REM2: variants seen among roughly 807,000 people sequenced by gnomAD.
The protein encoded by REM2 is GTP-binding protein REM 2.
A neutral mutation model predicts 24.4 loss-of-function variants in REM2; 24 were observed. The ratio of observed to expected loss-of-function variants is 0.98; its 90% CI spans 0.71 to 1.38. The LOEUF is 1.38. Among genes scored for constraint, REM2 ranks in the 40% most tolerant of loss-of-function variants. The pLI, the probability that REM2 is intolerant of heterozygous loss-of-function variation, is 0.00. For synonymous variants in REM2, 187 were observed against 198.0 expected (o/e 0.94, Z 0.47); for missense variants, 429 against 467.8 (o/e 0.92, Z 0.77).
Position 22,886,823 on chromosome 14 carries a change from A to G in REM2, c.937A>G (p.Lys313Glu). 1.3e-6 allele frequency: 2 copies of G among 1,548,734 alleles called. No homozygotes were observed. Among genetic ancestry groups the G allele is most frequent in the South Asian group, 2.4e-5 (2 of 83,850 alleles). The change falls in exon 5 of 5, where the codon AAG (lysine) becomes GAG (glutamate). Residue 313 changes from lysine (K) to glutamate (E), a missense_variant. Physicochemically the swap from Lys to Glu is moderately conservative, Grantham distance 56. Coordinates refer to ENST00000267396, the MANE Select transcript of REM2 (RefSeq NM_173527.3). The surrounding 1 kb of genome is among the most constrained non-coding windows in gnomAD (Gnocchi z 5.9). ...CCGCGAGAGCCTCACCAAGAAAGCC[A>G]AGAGGTTCCTCGCCAACCTGGTGCC... is the stretch of plus-strand genomic sequence containing the variant. ...ARRESLTKKA[K>E]RFLANLVPRN...
rs772024367 is a variant in REM2, at chr14:22,885,327, C to G, written c.507C>G (p.Asp169Glu). 6.2e-7 allele frequency: 1 copy of G among 1,612,420 alleles called. No individual in the cohort carries two copies. The highest frequency in any genetic ancestry group is 8.5e-7 in the Non-Finnish European group (1 of 1,178,526). ...AGGAAGTGACTCTAGTCGTTTATGACATCTGGGAACAGGTGAGAACTAAGA... is the reference window on the plus strand; with the variant it reads ...AGGAAGTGACTCTAGTCGTTTATGAGATCTGGGAACAGGTGAGAACTAAGA... ...DKEEVTLVVYDIWEQGDAGGW... is the reference protein window; with the variant it reads ...DKEEVTLVVYEIWEQGDAGGW... Residue 169 changes from aspartate (D) to glutamate (E), a missense_variant, in exon 3 of 5, where the codon GAC becomes GAG. Asp to Glu is a conservative substitution (Grantham distance 45, BLOSUM62 2). Coordinates refer to ENST00000267396, the MANE Select transcript of REM2 (RefSeq NM_173527.3).
Position 22,886,575 on chromosome 14 carries a change from T to A in REM2, c.728-39T>A. 1 of 1,438,742 alleles carries A rather than the reference T, an allele frequency of 7.0e-7. No individual in the cohort carries two copies. The highest frequency in any genetic ancestry group is 9.1e-7 in the Non-Finnish European group (1 of 1,095,896). 89.1% of individuals were successfully genotyped at this position (1,438,742 alleles called of 1,614,324 possible). A position where few individuals can be genotyped will look rare whatever the true frequency, so the allele number is the denominator to read the frequency against. ...AGACCCACCCTCGCCCCGGGTCCCG[T>A]ACAGCCCAGCGGGCGCCTGAGCCGG... On this transcript the variant is annotated intron_variant, in intron 4 of 4. Transcript: ENST00000267396. The surrounding 1 kb of genome is among the most constrained non-coding windows in gnomAD (Gnocchi z 5.9).
In REM2 at chr14:22,886,779, G is replaced by T. The variant is rs1341503776; in HGVS notation, c.893G>T (p.Gly298Val). The change falls in exon 5 of 5, where the codon GGC becomes GTC. Residue 298 changes from glycine to valine, a missense_variant. Transcript: ENST00000267396. The surrounding 1 kb of genome is among the most constrained non-coding windows in gnomAD (Gnocchi z 5.9). ...AGGCCCGATCCGGGCAGCCCCGAGGGCCCTGCGCCACCTGCACGCCGCGAG... is the reference window on the plus strand; with the variant it reads ...AGGCCCGATCCGGGCAGCCCCGAGGTCCCTGCGCCACCTGCACGCCGCGAG... ...GQRPDPGSPEGPAPPARRESL... is the reference protein window; with the variant it reads ...GQRPDPGSPEVPAPPARRESL... The T allele has an allele frequency of 6.5e-7, 1 of 1,548,484 alleles. No individual in the cohort carries two copies. Among genetic ancestry groups the T allele is most frequent in the Non-Finnish European group, 8.7e-7 (1 of 1,146,298 alleles).
At chr14:22,884,050 G>A (rs991761077) in intron 1 of REM2, 122 of 984,854 alleles carry the variant, frequency 1.2e-4, no homozygotes, top group Non-Finnish European at 1.4e-4. Context: ...ACAGGGCCAC[G>A]GGAAGCAGCA....
chr14:22,887,156 G>A lies in REM2; in HGVS notation c.*247G>A. 1 of 396,090 alleles carries A rather than the reference G, an allele frequency of 2.5e-6. No individual in the cohort carries two copies. 24.5% of individuals were successfully genotyped at this position (396,090 alleles called of 1,614,324 possible). A position where few individuals can be genotyped will look rare whatever the true frequency, so the allele number is the denominator to read the frequency against. On this transcript the variant is annotated 3_prime_UTR_variant, in exon 5 of 5. Transcript: ENST00000267396. ...GCCTAGAAGGCGAGGACGCAGACCTGAAGGCGGCCGGTGAGCGGGGCGGGT... is the reference window on the plus strand; with the variant it reads ...GCCTAGAAGGCGAGGACGCAGACCTAAAGGCGGCCGGTGAGCGGGGCGGGT...
chr14:22,883,811 A>ATT (rs2040092313), intron 1 of REM2, among the ~76,000 whole-genome samples: 1 of 151,744 alleles, frequency 6.6e-6, no homozygotes, highest in Non-Finnish European at 1.5e-5. Context: ...ATCCTGGGCT[A>ATT]TTTCCAGCCT....
At chr14:22,884,041 C>T (rs981840730) in intron 1 of REM2, 10 of 985,298 alleles carry the variant, frequency 1.0e-5, no homozygotes, top group Non-Finnish European at 1.2e-5. Flanking sequence ...TGCTCACCTA[C>T]AGGGCCACGG....
chr14:22,887,589 T>G lies in REM2; in HGVS notation c.*680T>G, dbSNP rs1031369182. 2.6e-5 allele frequency: 4 copies of G among 152,222 alleles called. No homozygotes were observed. Among genetic ancestry groups the G allele is most frequent in the Non-Finnish European group, 5.9e-5 (4 of 68,030 alleles). The allele number at this position is 152,222 out of a possible 1,614,324, so 9.4% of individuals were successfully genotyped here. ...GGACAGACTTTCTGCATTCAGATAATGAGCAGTGGCAACCCCTTTTGGCCA... is the reference window on the plus strand; with the variant it reads ...GGACAGACTTTCTGCATTCAGATAAGGAGCAGTGGCAACCCCTTTTGGCCA... On this transcript the variant is annotated 3_prime_UTR_variant, in exon 5 of 5. Transcript: ENST00000267396.
rs1359444618 is a variant in REM2 at position 22,885,278 on chromosome 14, A to G, written c.458A>G (p.Glu153Gly). The G allele has an allele frequency of 6.2e-7, 1 of 1,613,532 alleles. No homozygotes were observed. The highest frequency in any genetic ancestry group is 8.5e-7 in the Non-Finnish European group (1 of 1,179,484). Residue 153 changes from glutamate (E) to glycine (G), a missense_variant, in exon 3 of 5, where the codon GAG becomes GGG. Physicochemically the swap from Glu to Gly is moderately conservative, Grantham distance 98. Transcript: ENST00000267396. The part of the protein sequence containing the change: ...HEPENPEDTY[E>G]RRIMVDKEEV... ...TATTTCCCAGCAGAGGATACCTATG[A>G]GAGACGCATCATGGTGGATAAGGAG...
In REM2 at chr14:22,887,067, G is replaced by C. The variant is rs1238386688; in HGVS notation, c.*158G>C. 1.7e-6 allele frequency: 1 copy of C among 580,830 alleles called. No homozygotes were observed. The highest frequency in any genetic ancestry group is 3.4e-5 in the East Asian group (1 of 29,040). 36.0% of individuals were successfully genotyped at this position (580,830 alleles called of 1,614,324 possible). On this transcript the variant is annotated 3_prime_UTR_variant, in exon 5 of 5. Transcript: ENST00000267396. The stretch of plus-strand genomic sequence containing the variant: ...CGGTGTGACCGCCGGGGGCGGCCCG[G>C]GGCCGCTCGGCGGCACCTCCACACC...
chr14:22,885,811 T>G (rs1392392027), intron 3 of REM2, among the ~76,000 whole-genome samples: 1 of 152,214 alleles, frequency 6.6e-6, no homozygotes, highest in Non-Finnish European at 1.5e-5. Flanking sequence ...CTTAAGAAAT[T>G]AGGATGGCTA....
chr14:22,883,896 C>T (rs1433013511), intron 1 of REM2, among the ~76,000 whole-genome samples: 2 of 124,284 alleles, frequency 1.6e-5, no homozygotes, highest in Non-Finnish European at 3.4e-5. Context: ...CTCTCCCTTT[C>T]GCTCACACAC....
intron 1 of REM2, among the ~76,000 whole-genome samples, chr14:22,883,819 C>G (rs1240264642): frequency 4.6e-5 from 7 of 152,072 alleles, no homozygotes; most frequent in Admixed American, 4.6e-4. Context: ...CTATTTCCAG[C>G]CTCCCTCTAG....
At position 22,886,334 on chromosome 14, in the gene REM2, C is replaced by A; in HGVS notation, c.727+103C>A. 2 of 1,070,436 alleles carry A rather than the reference C, an allele frequency of 1.9e-6. No individual in the cohort carries two copies. The highest frequency in any genetic ancestry group is 2.8e-6 in the Non-Finnish European group (2 of 717,856). The allele number at this position is 1,070,436 out of a possible 1,614,324, so 66.3% of individuals were successfully genotyped here. A position where few individuals can be genotyped will look rare whatever the true frequency, so the allele number is the denominator to read the frequency against. On this transcript the variant is annotated intron_variant, in intron 4 of 4. Coordinates refer to ENST00000267396, the MANE Select transcript of REM2 (RefSeq NM_173527.3). The surrounding 1 kb of genome is among the most constrained non-coding windows in gnomAD (Gnocchi z 5.9). ...GCCTTTTTACCATCGCGGACGCACT[C>A]ACTTGCAATCAGACCCAGGCTAGGG... is the stretch of plus-strand genomic sequence containing the variant.
chr14:22,883,943 TCTA>T, intron 1 of REM2: 1 of 834,178 alleles, frequency 1.2e-6, no homozygotes, highest in Non-Finnish European at 1.4e-6. Context: ...TCTCTCTACT[TCTA>T]CTGCTCTATG....
chr14:22,884,131 G>A, intron 1 of REM2: 1 of 985,136 alleles, frequency 1.0e-6, no homozygotes, highest in Non-Finnish European at 1.2e-6. Flanking sequence ...ATCTCAAAAA[G>A]CAAAGGCCCT....
intron 1 of REM2, chr14:22,884,043 G>A: frequency 1.0e-6 from 1 of 985,094 alleles, no homozygotes; most frequent in Non-Finnish European, 1.2e-6. Context: ...CTCACCTACA[G>A]GGCCACGGGA....
Position 22,884,746 on chromosome 14 carries a change from C to T in REM2, c.176C>T (p.Ala59Val), listed in dbSNP as rs1265933500. ...AELDRSGLPS[A>V]PGAPRRRGSM... ...TTGGACCGGAGCGGGTTACCCTCTG[C>T]CCCTGGGGCCCCCAGACGAAGAGGC... Residue 59 changes from alanine (A) to valine (V), a missense_variant, in exon 2 of 5, where the codon GCC (alanine) becomes GTC (valine). Transcript: ENST00000267396. 2.5e-6 allele frequency: 4 copies of T among 1,613,900 alleles called. No homozygotes were observed. The Admixed American group carries it at 5.0e-5, about 20-fold the overall frequency.
At position 22,885,081 on chromosome 14, in the gene REM2, G is replaced by A. The variant is rs374151080; in HGVS notation, c.445+66G>A. The A allele has an allele frequency of 5.5e-5, 81 of 1,462,856 alleles. No individual in the cohort carries two copies. In the African/African-American group the frequency reaches 6.5e-4, roughly 12 times the overall value. 90.6% of individuals were successfully genotyped at this position (1,462,856 alleles called of 1,614,324 possible). A position where few individuals can be genotyped will look rare whatever the true frequency, so the allele number is the denominator to read the frequency against. On this transcript the variant is annotated intron_variant, in intron 2 of 4. Transcript: ENST00000267396. ...GCCCTGGTCAGGGAAGGAAGTGCTC[G>A]TGACCTGAGCAGCCCCTGAAGGACA...
Sources: gnomAD v4.1 joint callset for allele counts (sites outside exome capture counted in the v4.1 genomes callset) on GRCh38, gnomAD v4.1.1 for gene constraint, Gnocchi (gnomAD v3.1) non-coding constraint, MANE v1.5 for transcripts, NCBI Gene and HGNC (gene_info 2026-07-23, HGNC 2026-07-21) for gene names.